The following C1orf87 variants were observed in gnomAD, a reference collection of about 807,000 sequenced individuals.
The protein encoded by C1orf87 is chromosome 1 open reading frame 87.
Under a neutral mutation model 60.5 loss-of-function variants are expected in C1orf87, and 58 were observed. That is an observed-to-expected ratio of 0.96 (90% CI 0.78 to 1.19). The LOEUF is 1.19. Ranked by LOEUF, C1orf87 falls within the 50% of genes most tolerant of loss-of-function variation. The pLI, the probability that C1orf87 is intolerant of heterozygous loss-of-function variation, is 0.00. For synonymous variants in C1orf87, 236 were observed against 227.4 expected, an observed-to-expected ratio of 1.04 and a Z score of -0.34; for missense variants, 673 against 638.6, an observed-to-expected ratio of 1.05 and a Z score of -0.58.
At chr1:60,000,204 G>A (rs761929661) in intron 10 of C1orf87, among the ~76,000 whole-genome samples, 9 of 152,108 alleles carry the variant, frequency 5.9e-5, no homozygotes, top group Non-Finnish European at 1.0e-4. Context: ...CCAGACCCCT[G>A]CTTCAATTTG....
Position 59,997,661 on chromosome 1 carries a change from G to C in C1orf87, c.1428C>G (p.Asp476Glu). 2.5e-6 allele frequency: 4 copies of C among 1,613,918 alleles called. No individual in the cohort carries two copies. The highest frequency in any genetic ancestry group is 2.5e-6 in the Non-Finnish European group (3 of 1,179,880). The change falls in exon 11 of 12, where the codon GAC becomes GAG. Residue 476 changes from aspartate (D) to glutamate (E), a missense_variant. By Grantham distance (45) the Asp-to-Glu change is conservative. Transcript: ENST00000371201. ...NKAEECETWIDRFRKLENALY... is the reference protein window; with the variant it reads ...NKAEECETWIERFRKLENALY... ...GGGCATTTTCCAGCTTCCTGAACCTGTCTATCCACGTCTCACATTCCTCAG... is the reference window on the plus strand; with the variant it reads ...GGGCATTTTCCAGCTTCCTGAACCTCTCTATCCACGTCTCACATTCCTCAG...
chr1:59,991,563 T>A (rs1174211693), intron 11 of C1orf87, among the ~76,000 whole-genome samples: 1 of 152,192 alleles, frequency 6.6e-6, no homozygotes, highest in Non-Finnish European at 1.5e-5. Flanking sequence ...AAAATATTTT[T>A]GATATGCAGT....
At chr1:60,035,578 C>T (rs911520468) in intron 6 of C1orf87, among the ~76,000 whole-genome samples, 3 of 152,228 alleles carry the variant, frequency 2.0e-5, no homozygotes, top group African/African-American at 7.2e-5. Flanking sequence ...GGCTTTATTA[C>T]AGGCCATCAG....
intron 3 of C1orf87, among the ~76,000 whole-genome samples, chr1:60,046,440 CTTCT>C (rs1414469102): frequency 2.0e-4 from 18 of 90,050 alleles, no homozygotes; most frequent in South Asian, 1.0e-3. Flanking sequence ...CTTCCTTCTT[CTTCT>C]TTTTTTTTTT....
At chr1:60,051,969 T>G (rs1438178245) in intron 3 of C1orf87, among the ~76,000 whole-genome samples, 1 of 152,192 alleles carries the variant, frequency 6.6e-6, no homozygotes, top group African/African-American at 2.4e-5. Flanking sequence ...GATCAAAGGC[T>G]CTGCCTTGAA....
intron 11 of C1orf87, among the ~76,000 whole-genome samples, chr1:59,996,729 C>A (rs540170536): frequency 6.6e-6 from 1 of 152,182 alleles, no homozygotes; most frequent in South Asian, 2.1e-4. Flanking sequence ...CATGATGACC[C>A]CACCAGGAAG....
At chr1:60,000,566 C>T (rs1334361571) in intron 10 of C1orf87, among the ~76,000 whole-genome samples, 1 of 152,060 alleles carries the variant, frequency 6.6e-6, no homozygotes, top group Admixed American at 6.6e-5. Flanking sequence ...ACAACTTCTC[C>T]TGGCTAAATG....
intron 2 of C1orf87, among the ~76,000 whole-genome samples, chr1:60,072,161 C>G (rs1188832050): frequency 6.6e-6 from 1 of 152,156 alleles, no homozygotes. Context: ...TAATCCTACT[C>G]CTGTAATTCA....
chr1:60,029,800 C>T (rs1312902709), intron 7 of C1orf87, among the ~76,000 whole-genome samples: 1 of 151,870 alleles, frequency 6.6e-6, no homozygotes, highest in Non-Finnish European at 1.5e-5. Context: ...GCCACCATGC[C>T]CGGCTAATTT....
chr1:60,002,828 C>T (rs1242583630), intron 9 of C1orf87, among the ~76,000 whole-genome samples: 2 of 150,314 alleles, frequency 1.3e-5, no homozygotes, highest in African/African-American at 4.9e-5. Flanking sequence ...ACAACAGGTG[C>T]TGGAGAGGAT....
In C1orf87 at chr1:60,008,940, A is replaced by T. The variant is rs1430902435; in HGVS notation, c.1192+1452T>A. ...TGGTGACACTAGCTACTAGATTCTG[A>T]TAGTAATACCCCTTCCTCTATGTTC... is the stretch of plus-strand genomic sequence containing the variant. On this transcript the variant is annotated intron_variant, in intron 9 of 11. Transcript: ENST00000371201. 6 of 260,374 alleles carry T rather than the reference A, an allele frequency of 2.3e-5. No individual in the cohort carries two copies. The Admixed American group carries it at 3.1e-4, about 13-fold the overall frequency. 16.1% of individuals were successfully genotyped at this position (260,374 alleles called of 1,614,324 possible). A position where few individuals can be genotyped will look rare whatever the true frequency, so the allele number is the denominator to read the frequency against.
chr1:60,073,718 C>G lies in C1orf87; in HGVS notation c.-56G>C, dbSNP rs932239466. ...TAGGGCAGCGTCCCCACCCTGGCAGCTCAGAGGTGCGCGGTCCGTGCTTCT... is the reference window on the plus strand; with the variant it reads ...TAGGGCAGCGTCCCCACCCTGGCAGGTCAGAGGTGCGCGGTCCGTGCTTCT... On this transcript the variant is annotated 5_prime_UTR_variant, in exon 1 of 12. Transcript: ENST00000371201. 7 of 152,372 alleles carry G rather than the reference C, an allele frequency of 4.6e-5. 1 individual carries two copies. Among genetic ancestry groups the G allele is most frequent in the South Asian group, 2.1e-4 (1 of 4,838 alleles). The allele number at this position is 152,372 out of a possible 1,614,324, so 9.4% of individuals were successfully genotyped here. A position where few individuals can be genotyped will look rare whatever the true frequency, so the allele number is the denominator to read the frequency against.
intron 2 of C1orf87, among the ~76,000 whole-genome samples, chr1:60,062,895 G>A (rs1645506863): frequency 6.6e-6 from 1 of 152,042 alleles, no homozygotes; most frequent in Non-Finnish European, 1.5e-5. Context: ...TTTAATATTT[G>A]CTTTCATAAT....
intron 3 of C1orf87, 127 bp from the exon 4 acceptor site, chr1:60,041,258 T>G (rs2100298796): frequency 1.2e-6 from 1 of 825,600 alleles, no homozygotes. Flanking sequence ...CTAAATGAAC[T>G]TTAGCCCATG....
rs1448981147 is a variant in C1orf87, at chr1:60,039,965, T to C, written c.699A>G (p.Thr233=). The C allele has an allele frequency of 1.9e-6, 3 of 1,614,148 alleles. No homozygotes were observed. Among genetic ancestry groups the C allele is most frequent in the Non-Finnish European group, 2.5e-6 (3 of 1,179,994 alleles). Residue 233 remains threonine (T), a synonymous_variant, in exon 5 of 12, where the codon ACA becomes ACG. Transcript: ENST00000371201. ...LKHEVPLQLP[T]VKILCQRFSK... is the part of the protein sequence containing the mutation. ...AAAATCTCTGACAAAGGATTTTAAC[T>C]GTTGGTAACTGTAGAGGGACTTCAT...
At chr1:60,010,501 C>T in intron 8 of C1orf87, 45 bp from the exon 9 acceptor site, 9 of 1,529,266 alleles carry the variant, frequency 5.9e-6, no homozygotes, top group Non-Finnish European at 7.2e-6. Flanking sequence ...ATATGATTGC[C>T]CTGAAAGAAT....
At chr1:60,015,336 T>C (rs899723957) in intron 8 of C1orf87, among the ~76,000 whole-genome samples, 1 of 152,194 alleles carries the variant, frequency 6.6e-6, no homozygotes, top group South Asian at 2.1e-4. Flanking sequence ...CTAAATCTGC[T>C]TCTGTCTTGA....
Position 60,040,086 on chromosome 1 carries a change from T to G in C1orf87, c.578A>C (p.Asn193Thr). ...CTCTTTCTGAAGCTTTTCTAATAAG[T>G]TGGAACTCAAAGGACGTGACTTGAG... ...RELKSRPLSSNLLEKLQKELK... is the reference protein window; with the variant it reads ...RELKSRPLSSTLLEKLQKELK... Residue 193 changes from asparagine (N) to threonine (T), a missense_variant, in exon 5 of 12, where the codon AAC becomes ACC. By Grantham distance (65) the Asn-to-Thr change is moderately conservative. Coordinates refer to ENST00000371201, the MANE Select transcript of C1orf87 (RefSeq NM_152377.3). 6.2e-7 allele frequency: 1 copy of G among 1,614,254 alleles called. No homozygotes were observed. The highest frequency in any genetic ancestry group is 8.5e-7 in the Non-Finnish European group (1 of 1,180,036).
At chr1:60,027,227 C>T (rs185705802) in intron 7 of C1orf87, among the ~76,000 whole-genome samples, 30 of 152,302 alleles carry the variant, frequency 2.0e-4, no homozygotes, top group African/African-American at 6.3e-4. Flanking sequence ...AGCTAACCAA[C>T]TTATCCAAAG....
Sources: gnomAD v4.1 joint callset for allele counts (sites outside exome capture counted in the v4.1 genomes callset) on GRCh38, gnomAD v4.1.1 for gene constraint, MANE v1.5 for transcripts, NCBI Gene and HGNC (gene_info 2026-07-23, HGNC 2026-07-21) for gene names.